SLC67A1: variants seen among roughly 807,000 people sequenced by gnomAD.
SLC67A1 encodes the protein solute carrier family 67 member A1.
chr11:2,905,566 C>T, the SLC67A1 span, among the ~76,000 whole-genome samples: 1 of 152,012 alleles, frequency 6.6e-6, no homozygotes, highest in African/African-American at 2.4e-5. Context: ...TTTCTTAATC[C>T]AGTCTGTCAT....
At chr11:2,900,329 C>T in the SLC67A1 span, among the ~76,000 whole-genome samples, 2 of 152,258 alleles carry the variant, frequency 1.3e-5, no homozygotes, top group Non-Finnish European at 2.9e-5. Flanking sequence ...ATTGATTGGA[C>T]AAAAGGCATT....
At chr11:2,910,826 C>G in the SLC67A1 span, among the ~76,000 whole-genome samples, 1 of 152,214 alleles carries the variant, frequency 6.6e-6, no homozygotes, top group Non-Finnish European at 1.5e-5. Flanking sequence ...CCCAAGCAGC[C>G]TGGGGTGCCA....
the SLC67A1 span, among the ~76,000 whole-genome samples, chr11:2,914,416 G>C: frequency 6.6e-6 from 1 of 152,128 alleles, no homozygotes; most frequent in Non-Finnish European, 1.5e-5. Flanking sequence ...AGGCCCCAGG[G>C]CTGGGGCCAG....
the SLC67A1 span, among the ~76,000 whole-genome samples, chr11:2,910,157 G>T: frequency 7.7e-4 from 118 of 152,278 alleles, 1 homozygote; most frequent in Non-Finnish European, 3.7e-4. Flanking sequence ...TTGAGTCCCC[G>T]AACGTTCTCC....
At chr11:2,915,114 CTA>C in the SLC67A1 span, 3 of 985,362 alleles carry the variant, frequency 3.0e-6, no homozygotes, top group Non-Finnish European at 3.6e-6. Context: ...CAGCACCCCC[CTA>C]GACTGATGTG....
chr11:2,918,393 C>A, the SLC67A1 span, among the ~76,000 whole-genome samples: 1 of 152,290 alleles, frequency 6.6e-6, no homozygotes, highest in Admixed American at 6.5e-5. Flanking sequence ...CCTCTCCAGA[C>A]AGCCTGAGAT....
chr11:2,909,078 C>T, the SLC67A1 span: 1 of 998,696 alleles, frequency 1.0e-6, no homozygotes, highest in Non-Finnish European at 1.4e-6. Flanking sequence ...CGCCCCCGCC[C>T]TCCATCCCCA....
the SLC67A1 span, chr11:2,915,203 T>C: frequency 1.0e-6 from 1 of 985,364 alleles, no homozygotes. Flanking sequence ...CCCCACTGAC[T>C]GTCCTAGTCA....
chr11:2,914,236 G>A, the SLC67A1 span, among the ~76,000 whole-genome samples: 16 of 152,188 alleles, frequency 1.1e-4, no homozygotes, highest in East Asian at 1.9e-4. Context: ...CTTCCTGGTC[G>A]TGGCTCCACT....
the SLC67A1 span, among the ~76,000 whole-genome samples, chr11:2,912,754 C>T: frequency 6.6e-6 from 1 of 152,168 alleles, no homozygotes; most frequent in Non-Finnish European, 1.5e-5. Context: ...TGGGGGGTGG[C>T]TCTGTGACTC....
chr11:2,908,473 G>T, the SLC67A1 span: 1 of 610,568 alleles, frequency 1.6e-6, no homozygotes, highest in Admixed American at 3.3e-5. Flanking sequence ...AGGCCGATGG[G>T]GGTGCAGAAG....
At chr11:2,903,555 A>C in the SLC67A1 span, 1 of 1,568,952 alleles carries the variant, frequency 6.4e-7, no homozygotes, top group Non-Finnish European at 8.8e-7. Flanking sequence ...CCTGCCCTCC[A>C]TCTGGGCCGT....
chr11:2,903,184 G>C, the SLC67A1 span: 10 of 1,470,984 alleles, frequency 6.8e-6, no homozygotes, highest in Non-Finnish European at 9.0e-6. Context: ...CACTGGGGAG[G>C]GGGTCCTGCA....
At chr11:2,901,324 C>T in the SLC67A1 span, among the ~76,000 whole-genome samples, 3 of 152,252 alleles carry the variant, frequency 2.0e-5, no homozygotes, top group African/African-American at 7.2e-5. Flanking sequence ...CCCTGCCCAC[C>T]AGGACTTTGG....
the SLC67A1 span, among the ~76,000 whole-genome samples, chr11:2,901,767 C>T: frequency 6.6e-6 from 1 of 152,180 alleles, no homozygotes; most frequent in African/African-American, 2.4e-5. Flanking sequence ...TGAGGAGGGG[C>T]CCAGAGCTGT....
the SLC67A1 span, among the ~76,000 whole-genome samples, chr11:2,901,819 G>A: frequency 1.3e-5 from 2 of 152,004 alleles, no homozygotes; most frequent in South Asian, 2.1e-4. Flanking sequence ...ACCTTTGGCA[G>A]GGCCAGGCTA....
chr11:2,924,895 T>G, the SLC67A1 span: 5 of 893,064 alleles, frequency 5.6e-6, no homozygotes, highest in Non-Finnish European at 8.5e-6. The surrounding 1 kb of genome is among the most constrained non-coding windows in gnomAD (Gnocchi z 8.6). Context: ...AGGTGCGGAC[T>G]GCGCCGTGAG....
chr11:2,908,390 C>T, the SLC67A1 span: 22 of 1,323,840 alleles, frequency 1.7e-5, no homozygotes, highest in South Asian at 2.8e-4. Context: ...CTCTCAGACG[C>T]CATGGGCTCA....
At chr11:2,909,648 C>A in the SLC67A1 span, 1 of 1,537,070 alleles carries the variant, frequency 6.5e-7, no homozygotes, top group Non-Finnish European at 8.7e-7. Context: ...GGCTGGGCCT[C>A]TGCTTCGGCG....
Sources: gnomAD v4.1 joint callset for allele counts (sites outside exome capture counted in the v4.1 genomes callset) on GRCh38, gnomAD v4.1.1 for gene constraint, Gnocchi (gnomAD v3.1) non-coding constraint, MANE v1.5 for transcripts, NCBI Gene and HGNC (gene_info 2026-07-23, HGNC 2026-07-21) for gene names.